The following NKAIN3 variants were observed in gnomAD, a reference collection of about 807,000 sequenced individuals.
The protein encoded by NKAIN3 is sodium/potassium transporting ATPase interacting 3.
NKAIN3 carries 25 observed loss-of-function variants against 30.2 expected under a neutral mutation model. The observed-to-expected ratio is 0.83, with a 90% CI of 0.60 to 1.16. The LOEUF (loss-of-function observed/expected upper bound fraction) is 1.16, where lower values mean the gene tolerates loss of function less well. NKAIN3 is among the 50% of genes most tolerant of loss of function. The probability of loss-of-function intolerance (pLI) is 0.00; values close to 1 mark genes in which losing one functional copy is unlikely to be tolerated. For synonymous variants in NKAIN3, 91 were observed against 89.6 expected (o/e 1.02, Z -0.09); for missense variants, 225 against 254.1 (o/e 0.89, Z 0.78).
chr8:62,488,495 C>G (rs953957013), intron 1 of NKAIN3, among the ~76,000 whole-genome samples: 4 of 152,102 alleles, frequency 2.6e-5, no homozygotes, highest in African/African-American at 9.7e-5. Context: ...TTTTCATCTT[C>G]ATATCCCTAT....
At chr8:62,720,026 G>T (rs1027089221) in intron 3 of NKAIN3, among the ~76,000 whole-genome samples, 1 of 151,950 alleles carries the variant, frequency 6.6e-6, no homozygotes, top group East Asian at 1.9e-4. Context: ...CAAAGTGCTG[G>T]AATTACAGGC....
At position 62,992,337 on chromosome 8, in the gene NKAIN3, C is replaced by T. The variant is rs182194306; in HGVS notation, c.533-6894C>T. ...ACTTCTCTTTTATTCTTTACTTTTCCTTCCTGTATCTCTGATCTCTCTGTA... is the reference window on the plus strand; with the variant it reads ...ACTTCTCTTTTATTCTTTACTTTTCTTTCCTGTATCTCTGATCTCTCTGTA... On this transcript the variant is annotated intron_variant, in intron 5 of 5. Transcript: ENST00000519049. Among the ~76,000 whole-genome samples the T allele has an allele frequency of 7.9e-5, 12 of 152,116 alleles. No individual in the cohort carries two copies. In the East Asian group the frequency reaches 2.3e-3, roughly 29 times the overall value.
chr8:62,825,771 T>C (rs1389983988), intron 4 of NKAIN3, among the ~76,000 whole-genome samples: 3 of 152,112 alleles, frequency 2.0e-5, no homozygotes, highest in Non-Finnish European at 4.4e-5. Flanking sequence ...AGAAATTGTA[T>C]TATAAAGTAT....
intron 3 of NKAIN3, among the ~76,000 whole-genome samples, chr8:62,616,706 C>T (rs757883674): frequency 1.6e-4 from 24 of 152,240 alleles, no homozygotes; most frequent in Non-Finnish European, 2.6e-4. Context: ...CCCCTTTCCC[C>T]TCCCACTTCA....
intron 3 of NKAIN3, among the ~76,000 whole-genome samples, chr8:62,718,892 A>T (rs544657970): frequency 6.6e-6 from 1 of 152,216 alleles, no homozygotes. Context: ...AGACCAAATA[A>T]TTCATTCAAT....
chr8:62,743,292 T>TA (rs201239858), intron 3 of NKAIN3, among the ~76,000 whole-genome samples: 25 of 151,486 alleles, frequency 1.7e-4, no homozygotes, highest in South Asian at 2.1e-4. Context: ...GTGGTAAGTT[T>TA]AAAAAAAAAT....
At chr8:62,997,755 T>TA (rs56261705) in intron 5 of NKAIN3, among the ~76,000 whole-genome samples, 45 of 145,578 alleles carry the variant, frequency 3.1e-4, no homozygotes, top group Middle Eastern at 3.5e-3. Context: ...CTCTTTTCTT[T>TA]AAAAAAAAAA....
chr8:62,252,411 A>T (rs1436789990), intron 1 of NKAIN3, among the ~76,000 whole-genome samples: 2 of 152,214 alleles, frequency 1.3e-5, no homozygotes, highest in African/African-American at 4.8e-5. Context: ...GGGAAAATAA[A>T]AACTCAAATT....
rs190462378 is a variant in NKAIN3, at chr8:62,829,717, G to A, written c.471+82588G>A. Among the ~76,000 whole-genome samples, 270 of 147,424 alleles carry A rather than the reference G, an allele frequency of 1.8e-3. 1 individual carries two copies. In the Middle Eastern group the frequency reaches 0.022, roughly 12 times the overall value. Reference sequence around the variant, plus strand: ...AGATTAACAAGGCTAAATTTATTTTGTTGTTTGTTAACTAGATAGATAGAT... The same window carrying A: ...AGATTAACAAGGCTAAATTTATTTTATTGTTTGTTAACTAGATAGATAGAT... On this transcript the variant is annotated intron_variant, in intron 4 of 6. Coordinates refer to ENST00000623646, the MANE Select transcript of NKAIN3 (RefSeq NM_001304533.3).
chr8:62,760,200 T>C lies in NKAIN3; in HGVS notation c.471+13071T>C, dbSNP rs370475779. On this transcript the variant is annotated intron_variant, in intron 4 of 6. Transcript: ENST00000623646. Reference sequence around the variant, plus strand: ...GTGAGACTGTAAACTAGTTCAACCATTGTGGAAGTCAGTGTGGCGATTCCT... The same window carrying C: ...GTGAGACTGTAAACTAGTTCAACCACTGTGGAAGTCAGTGTGGCGATTCCT... Among the ~76,000 whole-genome samples, 67 of 152,270 alleles carry C rather than the reference T, an allele frequency of 4.4e-4. No homozygotes were observed. The East Asian group carries it at 5.6e-3, about 13-fold the overall frequency.
At chr8:62,319,666 T>A (rs1814800723) in intron 1 of NKAIN3, among the ~76,000 whole-genome samples, 1 of 152,180 alleles carries the variant, frequency 6.6e-6, no homozygotes, top group Non-Finnish European at 1.5e-5. Flanking sequence ...GAATCCTGAG[T>A]TCTAGTTTGA....
intron 1 of NKAIN3, among the ~76,000 whole-genome samples, chr8:62,422,309 AAAC>A (rs1220647144): frequency 6.6e-6 from 1 of 152,156 alleles, no homozygotes; most frequent in Non-Finnish European, 1.5e-5. Flanking sequence ...TGGTTTGAAT[AAAC>A]AACATTTTAA....
intron 1 of NKAIN3, among the ~76,000 whole-genome samples, chr8:62,459,061 A>AT: frequency 6.7e-6 from 1 of 149,608 alleles, no homozygotes; most frequent in Middle Eastern, 3.5e-3. Flanking sequence ...TTGTCAGAGA[A>AT]AAAAAAAAAA....
chr8:62,785,472 T>A (rs1817485597), intron 4 of NKAIN3, among the ~76,000 whole-genome samples: 1 of 152,136 alleles, frequency 6.6e-6, no homozygotes, highest in African/African-American at 2.4e-5. Context: ...GCATTGGGTT[T>A]CTTTTTGCAA....
rs1820609335 is a variant in NKAIN3 at position 62,870,697 on chromosome 8, A to ATACATCTATATCTC, written c.472-47754_472-47753insCATCTATATCTCTA. 4.6e-5 allele frequency among the ~76,000 whole-genome samples: 5 copies of ATACATCTATATCTC among 107,836 alleles called. 1 individual carries two copies. Among genetic ancestry groups the ATACATCTATATCTC allele is most frequent in the African/African-American group, 3.9e-5 (1 of 25,692 alleles). 70.7% of individuals were successfully genotyped at this position (107,836 alleles called of 152,430 possible). A position where few individuals can be genotyped will look rare whatever the true frequency, so the allele number is the denominator to read the frequency against. ...TCTATATATCTATATCTCTCTATCT[A>ATACATCTATATCTC]TATATCTATATATCTATATCTCTAT... On this transcript the variant is annotated intron_variant, in intron 4 of 6. Coordinates refer to ENST00000623646, the MANE Select transcript of NKAIN3 (RefSeq NM_001304533.3).
At chr8:62,358,882 G>A (rs1816442440) in intron 1 of NKAIN3, among the ~76,000 whole-genome samples, 1 of 152,316 alleles carries the variant, frequency 6.6e-6, no homozygotes, top group South Asian at 2.1e-4. Context: ...TGTTAGCCAT[G>A]TTTTGAAAAT....
intron 5 of NKAIN3, among the ~76,000 whole-genome samples, chr8:62,928,098 A>G (rs912006266): frequency 3.9e-5 from 6 of 152,230 alleles, no homozygotes; most frequent in African/African-American, 1.4e-4. Context: ...CTTTCTGGGA[A>G]CAATATTTGA....
intron 4 of NKAIN3, among the ~76,000 whole-genome samples, chr8:62,775,232 G>A (rs116347121): frequency 0.024 from 3,602 of 151,966 alleles, 159 homozygotes; most frequent in African/African-American, 0.083. Context: ...TTGAATTTCT[G>A]TAGTATCAGT....
intron 4 of NKAIN3, among the ~76,000 whole-genome samples, chr8:62,779,707 G>T (rs1401840836): frequency 6.6e-6 from 1 of 152,096 alleles, no homozygotes. Flanking sequence ...TGGACAATAT[G>T]TTAGAACACA....
Sources: gnomAD v4.1 joint callset for allele counts (sites outside exome capture counted in the v4.1 genomes callset) on GRCh38, gnomAD v4.1.1 for gene constraint, MANE v1.5 for transcripts, NCBI Gene and HGNC (gene_info 2026-07-23, HGNC 2026-07-21) for gene names.